Variants in RP1 observed in about 807,000 individuals in gnomAD.
RP1 encodes oxygen-regulated protein 1.
Under a neutral mutation model 14.8 loss-of-function variants are expected in RP1, and 16 were observed. The ratio of observed to expected loss-of-function variants is 1.08; its 90% CI spans 0.73 to 1.65. RP1 has a LOEUF of 1.65. RP1 is among the 40% of genes most tolerant of loss of function. The pLI is 0.00. For synonymous variants in RP1, 876 were observed against 883.6 expected (o/e 0.99, Z 0.15); for missense variants, 2,631 against 2,535.0 (o/e 1.04, Z -0.81).
chr8:54,651,912 T>TTATATTTTTGTTTTCA (rs1173824437), intron 4 of RP1, among the ~76,000 whole-genome samples: 1 of 152,178 alleles, frequency 6.6e-6, no homozygotes, highest in Non-Finnish European at 1.5e-5. Flanking sequence ...TATTTTTGTG[T>TTATATTTTTGTTTTCA]TATATTTTTG....
At chr8:54,846,833 T>C (rs962122554) in intron 25 of RP1, among the ~76,000 whole-genome samples, 2 of 152,202 alleles carry the variant, frequency 1.3e-5, no homozygotes, top group African/African-American at 4.8e-5. Context: ...CTGTTTGTCT[T>C]TGGGAGTCAC....
chr8:54,764,928 C>T (rs566324059), intron 22 of RP1, among the ~76,000 whole-genome samples: 1 of 149,712 alleles, frequency 6.7e-6, no homozygotes, highest in African/African-American at 2.4e-5. Flanking sequence ...AAAAAAAAGA[C>T]GTGTCCTACT....
intron 15 of RP1, among the ~76,000 whole-genome samples, chr8:54,715,289 G>T (rs1808375790): frequency 6.6e-6 from 1 of 152,154 alleles, no homozygotes; most frequent in African/African-American, 2.4e-5. Flanking sequence ...GTGTAGGAAG[G>T]CGCACCTTTT....
intron 1 of RP1, among the ~76,000 whole-genome samples, chr8:54,606,815 C>T (rs1379712982): frequency 2.6e-5 from 4 of 152,178 alleles, no homozygotes; most frequent in African/African-American, 9.7e-5. Context: ...CACTGATACC[C>T]TTTCTTCCAG....
At chr8:54,782,085 T>C (rs1219035807) in intron 23 of RP1, among the ~76,000 whole-genome samples, 1 of 152,222 alleles carries the variant, frequency 6.6e-6, no homozygotes, top group Non-Finnish European at 1.5e-5. Context: ...TCTTGAATTA[T>C]GCATCAAAGC....
chr8:54,865,292 T>C (rs1812433802), intron 27 of RP1, among the ~76,000 whole-genome samples: 1 of 152,042 alleles, frequency 6.6e-6, no homozygotes, highest in African/African-American at 2.4e-5. Flanking sequence ...GACAGTTCTG[T>C]CTCTTTTTTC....
intron 24 of RP1, among the ~76,000 whole-genome samples, chr8:54,828,055 G>A (rs1811428236): frequency 6.6e-6 from 1 of 152,070 alleles, no homozygotes; most frequent in Non-Finnish European, 1.5e-5. Flanking sequence ...GGTCTTCAGC[G>A]ACAAAAACAT....
At chr8:54,700,129 TA>T (rs772871863) in intron 13 of RP1, among the ~76,000 whole-genome samples, 5 of 152,016 alleles carry the variant, frequency 3.3e-5, no homozygotes, top group Non-Finnish European at 7.4e-5. Flanking sequence ...CACAAGCTAG[TA>T]AGTGTGGAAG....
At chr8:54,563,115 G>A (rs1343392397) in intron 1 of RP1, among the ~76,000 whole-genome samples, 1 of 152,106 alleles carries the variant, frequency 6.6e-6, no homozygotes, top group Admixed American at 6.5e-5. Flanking sequence ...AGAGAGAGAG[G>A]AAAACATAAT....
At chr8:54,663,925 C>A in intron 7 of RP1, 1 of 1,331,950 alleles carries the variant, frequency 7.5e-7, no homozygotes, top group Non-Finnish European at 9.9e-7. Flanking sequence ...ACTGTTGTAA[C>A]TATTCTAAGA....
intron 19 of RP1, among the ~76,000 whole-genome samples, chr8:54,753,525 A>G (rs1413727686): frequency 2.6e-5 from 4 of 152,206 alleles, no homozygotes; most frequent in African/African-American, 9.6e-5. Flanking sequence ...CATCACGGTA[A>G]TGAGTCAGGA....
At chr8:54,786,978 A>C (rs183409115) in intron 24 of RP1, among the ~76,000 whole-genome samples, 10 of 152,288 alleles carry the variant, frequency 6.6e-5, no homozygotes, top group African/African-American at 2.2e-4. Flanking sequence ...ATAACTGTTC[A>C]TATGGTAGGT....
exon 14 of RP1, chr8:54,701,622 G>A (rs1270108612): frequency 2.0e-6 from 3 of 1,535,328 alleles, no homozygotes; most frequent in Non-Finnish European, 2.6e-6. Flanking sequence ...TCATCAGCAG[G>A]CTATGCAAAT....
chr8:54,625,062 A>C lies in RP1; in HGVS notation c.1180A>C (p.Met394Leu), dbSNP rs763523179. The change falls in exon 4 of 4, where the codon ATG (methionine) becomes CTG (leucine). Residue 394 changes from methionine to leucine, a missense_variant. Coordinates refer to ENST00000220676, the MANE Select transcript of RP1 (RefSeq NM_006269.2). ...ACSFSADVSP[M>L]ERSSNQEGSL... ...TTCATTCTCTGCAGATGTGTCACCT[A>C]TGGAGCGAAGCAGTAATCAAGAGGG... 3.7e-6 allele frequency: 6 copies of C among 1,614,084 alleles called. No homozygotes were observed. The East Asian group carries it at 6.7e-5, about 18-fold the overall frequency.
intron 24 of RP1, among the ~76,000 whole-genome samples, chr8:54,787,910 CTTAACATTTGTAAGCTTTAATTTCCTCCT>C (rs1384254585): frequency 2.0e-5 from 3 of 152,178 alleles, no homozygotes; most frequent in African/African-American, 7.2e-5. Flanking sequence ...GGATAAAGCA[CTTAACATTTGTAAGCTTTAATTTCCTCCT>C]TTGTAAAATG....
At chr8:54,867,120 C>T (rs115146463) in intron 28 of RP1, among the ~76,000 whole-genome samples, 361 of 152,244 alleles carry the variant, frequency 2.4e-3, no homozygotes, top group African/African-American at 8.2e-3. Context: ...TAGTAGGTGG[C>T]TCAGCATCAC....
intron 6 of RP1, among the ~76,000 whole-genome samples, chr8:54,658,339 C>G (rs1002842869): frequency 2.0e-5 from 3 of 151,638 alleles, no homozygotes; most frequent in Non-Finnish European, 4.4e-5. Context: ...ATCACGAGGT[C>G]AGGAGATCGA....
At chr8:54,790,104 C>A (rs933661642) in intron 24 of RP1, among the ~76,000 whole-genome samples, 1 of 152,074 alleles carries the variant, frequency 6.6e-6, no homozygotes, top group Non-Finnish European at 1.5e-5. Flanking sequence ...CAACCAGAGG[C>A]AATTGTGGAG....
intron 19 of RP1, among the ~76,000 whole-genome samples, chr8:54,750,203 T>C (rs973216244): frequency 3.3e-5 from 5 of 152,182 alleles, no homozygotes; most frequent in Non-Finnish European, 5.9e-5. Context: ...TGATCTCCAA[T>C]CTCTGAGATT....
Sources: allele counts gnomAD v4.1 joint callset (sites outside exome capture counted in the v4.1 genomes callset), GRCh38; gene constraint gnomAD v4.1.1; transcripts MANE v1.5; gene names NCBI Gene and HGNC (gene_info 2026-07-23, HGNC 2026-07-21).